Variants in CIB4 observed in about 807,000 individuals in gnomAD.
CIB4 encodes the protein calcium and integrin-binding family member 4.
In CIB4, 25 loss-of-function variants were observed where a neutral mutation model predicts 25.8. The ratio of observed to expected loss-of-function variants is 0.97; its 90% CI spans 0.71 to 1.35. The LOEUF (loss-of-function observed/expected upper bound fraction) is 1.35, where lower values mean the gene tolerates loss of function less well. Among genes scored for constraint, CIB4 ranks in the 40% most tolerant of loss-of-function variants. The probability of loss-of-function intolerance (pLI) is 0.00; values close to 1 mark genes in which losing one functional copy is unlikely to be tolerated. For synonymous variants in CIB4, 75 were observed against 81.4 expected (o/e 0.92, Z 0.42); for missense variants, 235 against 228.2 (o/e 1.03, Z -0.19).
chr2:26,601,231 A>AAAT (rs1395827334), intron 3 of CIB4, among the ~76,000 whole-genome samples: 6 of 17,238 alleles, frequency 3.5e-4, no homozygotes, highest in African/African-American at 6.0e-4. Flanking sequence ...AAAAAAAAAA[A>AAAT]ATATATATAT....
At chr2:26,637,365 A>C (rs1669553752) in intron 2 of CIB4, among the ~76,000 whole-genome samples, 1 of 151,704 alleles carries the variant, frequency 6.6e-6, no homozygotes, top group Non-Finnish European at 1.5e-5. Context: ...CACTTGTAAA[A>C]TTTTTGTTGA....
chr2:26,621,973 A>G (rs1669211653), intron 3 of CIB4, among the ~76,000 whole-genome samples: 1 of 152,248 alleles, frequency 6.6e-6, no homozygotes, highest in South Asian at 2.1e-4. Context: ...CAATGATGAC[A>G]TCCAGGAAAA....
intron 4 of CIB4, among the ~76,000 whole-genome samples, chr2:26,585,210 C>T (rs1255695763): frequency 6.6e-6 from 1 of 151,310 alleles, no homozygotes; most frequent in African/African-American, 2.5e-5. Context: ...GCCAGGCCAC[C>T]AGCGGGCAGA....
At chr2:26,624,781 A>C (rs879256886) in intron 3 of CIB4, among the ~76,000 whole-genome samples, 3 of 151,634 alleles carry the variant, frequency 2.0e-5, no homozygotes, top group Non-Finnish European at 4.4e-5. Context: ...GGTACACACA[A>C]AAAAAATAGA....
intron 4 of CIB4, among the ~76,000 whole-genome samples, chr2:26,585,829 T>C (rs1033615139): frequency 6.6e-6 from 1 of 152,000 alleles, no homozygotes; most frequent in Non-Finnish European, 1.5e-5. Flanking sequence ...TAGTCCCTCA[T>C]ATGCTACCTG....
intron 3 of CIB4, among the ~76,000 whole-genome samples, chr2:26,602,698 A>G (rs1668815055): frequency 6.6e-6 from 1 of 152,166 alleles, no homozygotes; most frequent in South Asian, 2.1e-4. Flanking sequence ...TCCTCACCAA[A>G]TGATCAAGGT....
chr2:26,597,820 G>A (rs1258595960), intron 3 of CIB4, among the ~76,000 whole-genome samples: 1 of 151,928 alleles, frequency 6.6e-6, no homozygotes, highest in African/African-American at 2.4e-5. Flanking sequence ...AATGAGGCCT[G>A]GGGAAGGGGA....
chr2:26,614,200 T>A (rs967357247), intron 3 of CIB4, among the ~76,000 whole-genome samples: 5 of 152,176 alleles, frequency 3.3e-5, no homozygotes, highest in Admixed American at 1.3e-4. Context: ...AATGAAGTTA[T>A]CAGAAAAGAC....
chr2:26,608,320 T>C (rs1248857722), intron 3 of CIB4, among the ~76,000 whole-genome samples: 1 of 151,732 alleles, frequency 6.6e-6, no homozygotes, highest in Admixed American at 6.6e-5. Flanking sequence ...CCTACCTACA[T>C]TTCACCTCGC....
At chr2:26,595,361 G>A (rs369052446) in intron 3 of CIB4, 44 bp from the exon 4 acceptor site, 426 of 1,592,210 alleles carry the variant, frequency 2.7e-4, no homozygotes, top group Non-Finnish European at 3.5e-4. Context: ...ATCAGGGTCG[G>A]GGCTGTGTCT....
Position 26,583,807 on chromosome 2 carries a change from C to G in CIB4, c.420G>C (p.Leu140=), listed in dbSNP as rs371954789. ...CACACACGTGGTTCGTGAGGTCCAT[C>G]AGGAGGTCCTCAGACATGTCATCAC... ...LNSDDMSEDL[L]MDLTNHVLSE... Residue 140 remains leucine (L), a synonymous_variant, in exon 5 of 7, where the codon CTG becomes CTC. Transcript: ENST00000288861. The G allele has an allele frequency of 1.2e-5, 19 of 1,610,454 alleles. No individual in the cohort carries two copies. Among genetic ancestry groups the G allele is most frequent in the East Asian group, 4.5e-5 (2 of 44,866 alleles).
At chr2:26,603,415 T>C (rs1377644051) in intron 3 of CIB4, among the ~76,000 whole-genome samples, 1 of 152,120 alleles carries the variant, frequency 6.6e-6, no homozygotes, top group Admixed American at 6.6e-5. Context: ...AATACCTATA[T>C]AAAAATATAA....
chr2:26,629,529 C>CGTGTGGCCGGGGAAAGGAGGCCAGCACT (rs751812596), intron 2 of CIB4, 23 bp from the exon 3 acceptor site: 4 of 1,511,002 alleles, frequency 2.6e-6, no homozygotes, highest in Non-Finnish European at 3.6e-6. Context: ...GCATGAAGAC[C>CGTGTGGCCGGGGAAAGGAGGCCAGCACT]GTGTGGCCGG....
rs148395360 is a variant in CIB4 at position 26,611,706 on chromosome 2, C to T, written c.187-16389G>A. 4.9e-3 allele frequency among the ~76,000 whole-genome samples: 746 copies of T among 152,042 alleles called. 5 individuals are homozygous for T. The highest frequency in any genetic ancestry group is 8.5e-3 in the African/African-American group (353 of 41,472). On this transcript the variant is annotated intron_variant, in intron 3 of 6. Transcript: ENST00000288861. ...TTTATTACAAAATTATTTATAGTAACAAATAAATAAATAAACCCCTGGAAA... is the reference window on the plus strand; with the variant it reads ...TTTATTACAAAATTATTTATAGTAATAAATAAATAAATAAACCCCTGGAAA...
intron 4 of CIB4, among the ~76,000 whole-genome samples, chr2:26,588,612 G>T (rs1668499374): frequency 1.3e-5 from 2 of 152,208 alleles, no homozygotes; most frequent in Non-Finnish European, 1.5e-5. Context: ...ATCAACCTGT[G>T]GTGGAGGGAG....
At chr2:26,603,756 C>T (rs1039299065) in intron 3 of CIB4, among the ~76,000 whole-genome samples, 21 of 151,966 alleles carry the variant, frequency 1.4e-4, no homozygotes, top group East Asian at 1.9e-4. Flanking sequence ...CCAGCACTTT[C>T]GGAGGCTGAG....
intron 2 of CIB4, among the ~76,000 whole-genome samples, chr2:26,631,898 T>C (rs572560712): frequency 6.6e-6 from 1 of 152,296 alleles, no homozygotes; most frequent in East Asian, 1.9e-4. Context: ...CTTCTGCAGC[T>C]CCAGCTCTCA....
At chr2:26,615,613 G>T (rs959575882) in intron 3 of CIB4, among the ~76,000 whole-genome samples, 2 of 152,164 alleles carry the variant, frequency 1.3e-5, no homozygotes, top group African/African-American at 4.8e-5. Flanking sequence ...GGCTTTCCTC[G>T]CTACCTTCCT....
intron 3 of CIB4, among the ~76,000 whole-genome samples, chr2:26,622,317 C>T (rs911853610): frequency 6.6e-6 from 1 of 152,014 alleles, no homozygotes; most frequent in African/African-American, 2.4e-5. Context: ...GCCGAGATCG[C>T]ATCACTGTAC....
Sources: allele counts gnomAD v4.1 joint callset (sites outside exome capture counted in the v4.1 genomes callset), GRCh38; gene constraint gnomAD v4.1.1; transcripts MANE v1.5; gene names NCBI Gene and HGNC (gene_info 2026-07-23, HGNC 2026-07-21).